The following ATP5F1C variants were observed in gnomAD, a reference collection of about 807,000 sequenced individuals.
The protein encoded by ATP5F1C is ATP synthase F(1) complex subunit gamma, mitochondrial.
A neutral mutation model predicts 37.4 loss-of-function variants in ATP5F1C; 22 were observed. That is an observed-to-expected ratio of 0.59 (90% CI 0.42 to 0.84). The LOEUF is 0.84. Ranked by LOEUF, ATP5F1C falls within the 40% of genes least tolerant of loss-of-function variation. The probability of loss-of-function intolerance (pLI) is 0.00; values close to 1 mark genes in which losing one functional copy is unlikely to be tolerated. For missense variants in ATP5F1C, 286 were observed against 362.4 expected (o/e 0.79, Z 1.71); for synonymous variants, 121 against 128.0 (o/e 0.95, Z 0.37).
intron 4 of ATP5F1C, chr10:7,799,536 A>G: frequency 3.5e-6 from 2 of 578,812 alleles, no homozygotes; most frequent in South Asian, 4.7e-5. Flanking sequence ...TAGGATTAGA[A>G]GGAGAGGAAT....
At chr10:7,805,562 T>A (rs1357900867) in intron 8 of ATP5F1C, among the ~76,000 whole-genome samples, 2 of 151,736 alleles carry the variant, frequency 1.3e-5, no homozygotes, top group South Asian at 2.1e-4. Flanking sequence ...CCTGGCTAAC[T>A]CGGTGAAACC....
intron 1 of ATP5F1C, among the ~76,000 whole-genome samples, chr10:7,794,349 C>T (rs771833636): frequency 1.3e-5 from 2 of 152,148 alleles, no homozygotes; most frequent in Non-Finnish European, 2.9e-5. Context: ...CTTCAAATTT[C>T]TATGCCTCTT....
chr10:7,794,564 T>A (rs571564774), intron 1 of ATP5F1C, among the ~76,000 whole-genome samples: 18 of 151,872 alleles, frequency 1.2e-4, no homozygotes, highest in Non-Finnish European at 2.2e-4. Flanking sequence ...GACTTTTTCA[T>A]GACTGGGTGT....
intron 1 of ATP5F1C, among the ~76,000 whole-genome samples, chr10:7,790,720 C>A (rs940304514): frequency 6.6e-6 from 1 of 152,224 alleles, no homozygotes; most frequent in Non-Finnish European, 1.5e-5. Context: ...TGCATTCAGA[C>A]GGCAGGGATT....
intron 6 of ATP5F1C, among the ~76,000 whole-genome samples, chr10:7,801,800 G>T (rs1046709956): frequency 6.6e-6 from 1 of 152,200 alleles, no homozygotes; most frequent in East Asian, 1.9e-4. Flanking sequence ...GTGGCATCAC[G>T]TCAGTGCTCA....
chr10:7,797,892 T>C (rs1406677971), intron 3 of ATP5F1C, among the ~76,000 whole-genome samples: 1 of 152,232 alleles, frequency 6.6e-6, no homozygotes, highest in Non-Finnish European at 1.5e-5. Context: ...ATATGACAGT[T>C]TAAAAAGAAT....
At chr10:7,799,666 C>A in intron 4 of ATP5F1C, 106 bp from the exon 5 acceptor site, 2 of 1,366,608 alleles carry the variant, frequency 1.5e-6, no homozygotes, top group Non-Finnish European at 2.0e-6. Context: ...ACCCATACCC[C>A]AAAAGACCTG....
intron 8 of ATP5F1C, among the ~76,000 whole-genome samples, chr10:7,803,310 A>G (rs1000229562): frequency 1.3e-5 from 2 of 152,146 alleles, no homozygotes; most frequent in African/African-American, 4.8e-5. Flanking sequence ...GCCATCCCTC[A>G]GTATCTGCAG....
At chr10:7,796,097 C>G (rs1453381114) in intron 1 of ATP5F1C, 24 bp from the exon 2 acceptor site, 1 of 1,571,788 alleles carries the variant, frequency 6.4e-7, no homozygotes, top group East Asian at 2.3e-5. Flanking sequence ...AAAACTGAAA[C>G]ATTTTTAAAA....
intron 3 of ATP5F1C, among the ~76,000 whole-genome samples, 196 bp from the exon 4 acceptor site, chr10:7,798,794 G>T (rs1405058685): frequency 6.6e-6 from 1 of 152,196 alleles, no homozygotes; most frequent in African/African-American, 2.4e-5. Context: ...GCCTCCCAAA[G>T]TGCTGGGATT....
chr10:7,804,262 A>G, intron 8 of ATP5F1C: 1 of 512,664 alleles, frequency 2.0e-6, no homozygotes, highest in South Asian at 1.4e-5. Flanking sequence ...GAGGAAAATA[A>G]CAAAATCCAT....
intron 1 of ATP5F1C, among the ~76,000 whole-genome samples, chr10:7,793,334 G>A (rs1344615047): frequency 1.3e-5 from 2 of 152,132 alleles, no homozygotes; most frequent in African/African-American, 4.8e-5. Context: ...GCTGGTCTCG[G>A]AACTCCTGAC....
intron 5 of ATP5F1C, 43 bp from the exon 6 acceptor site, chr10:7,799,984 T>C (rs1395569871): frequency 6.2e-7 from 1 of 1,607,730 alleles, no homozygotes; most frequent in Admixed American, 1.7e-5. Flanking sequence ...AATAACAGTT[T>C]AAAAATTATT....
At chr10:7,791,148 A>T (rs909880578) in intron 1 of ATP5F1C, among the ~76,000 whole-genome samples, 4 of 152,198 alleles carry the variant, frequency 2.6e-5, no homozygotes, top group Non-Finnish European at 5.9e-5. Context: ...AAAAATACAA[A>T]AATTACCCAG....
At position 7,802,769 on chromosome 10, in the gene ATP5F1C, G is replaced by T; in HGVS notation, c.805G>T (p.Asp269Tyr). The change falls in exon 8 of 10, where the codon GAC becomes TAC. Residue 269 changes from aspartate (D) to tyrosine (Y), a missense_variant. Physicochemically the swap from Asp to Tyr is radical, Grantham distance 160. Coordinates refer to ENST00000356708, the MANE Select transcript of ATP5F1C (RefSeq NM_001001973.3). ...TGTTTTGTTTGTAGCTGAGATGATT[G>T]ACAAATTGACATTGACATTCAACCG... ...NASKNASEMI[D>Y]KLTLTFNRTR... The T allele has an allele frequency of 6.2e-7, 1 of 1,613,260 alleles. No homozygotes were observed. The highest frequency in any genetic ancestry group is 1.1e-5 in the South Asian group (1 of 90,782).
intron 7 of ATP5F1C, 131 bp downstream of exon 7, chr10:7,802,556 A>G (rs1180198388): frequency 5.9e-6 from 7 of 1,191,300 alleles, no homozygotes; most frequent in Non-Finnish European, 8.2e-6. Context: ...GTAAGAAAGT[A>G]TATCTTGATA....
Position 7,807,778 on chromosome 10 carries a change from T to A in ATP5F1C, c.*150T>A. On this transcript the variant is annotated 3_prime_UTR_variant, in exon 10 of 10. Coordinates refer to ENST00000356708, the MANE Select transcript of ATP5F1C (RefSeq NM_001001973.3). The stretch of plus-strand genomic sequence containing the variant: ...ACAGCAAGATATTTGTAAATTATCT[T>A]AAAATAAACAACTTAAAATAAAATC... 1 of 1,159,914 alleles carries A rather than the reference T, an allele frequency of 8.6e-7. No homozygotes were observed. The highest frequency in any genetic ancestry group is 1.2e-6 in the Non-Finnish European group (1 of 826,902). 71.9% of individuals were successfully genotyped at this position (1,159,914 alleles called of 1,614,324 possible).
chr10:7,792,718 T>C (rs1366091524), intron 1 of ATP5F1C, among the ~76,000 whole-genome samples: 1 of 152,250 alleles, frequency 6.6e-6, no homozygotes, highest in Non-Finnish European at 1.5e-5. Context: ...AATAGTCCAT[T>C]GTATGGATGT....
At position 7,797,188 on chromosome 10, in the gene ATP5F1C, G is replaced by T. The variant is rs750885133; in HGVS notation, c.223+10G>T. ...GGATTGGGATCTTTAGGTAAGGGAA[G>T]AGTGTAATTCACAAATTAGGAAGAA... On this transcript the variant is annotated intron_variant, in intron 3 of 9. Coordinates refer to ENST00000356708, the MANE Select transcript of ATP5F1C (RefSeq NM_001001973.3). 2 of 1,612,188 alleles carry T rather than the reference G, an allele frequency of 1.2e-6. No individual in the cohort carries two copies. The highest frequency in any genetic ancestry group is 1.7e-5 in the Admixed American group (1 of 59,794).
Sources: gnomAD v4.1 joint callset for allele counts (sites outside exome capture counted in the v4.1 genomes callset) on GRCh38, gnomAD v4.1.1 for gene constraint, MANE v1.5 for transcripts, NCBI Gene and HGNC (gene_info 2026-07-23, HGNC 2026-07-21) for gene names.